The following PLCD4 variants were observed in gnomAD, a reference collection of about 807,000 sequenced individuals.
PLCD4 encodes 1-phosphatidylinositol 4,5-bisphosphate phosphodiesterase delta-4.
In PLCD4, 63 loss-of-function variants were observed where a neutral mutation model predicts 90.2. The ratio of observed to expected loss-of-function variants is 0.70; its 90% CI spans 0.57 to 0.86. The LOEUF (loss-of-function observed/expected upper bound fraction) is 0.86, where lower values mean the gene tolerates loss of function less well. PLCD4 is among the 40% of genes least tolerant of loss of function. PLCD4 has a pLI of 0.00. For synonymous variants in PLCD4, 294 were observed against 356.5 expected, an observed-to-expected ratio of 0.82 and a Z score of 1.97; for missense variants, 830 against 956.3, an observed-to-expected ratio of 0.87 and a Z score of 1.74.
In PLCD4 at chr2:218,636,251, C is replaced by A; in HGVS notation, c.2041C>A (p.Pro681Thr). The A allele has an allele frequency of 6.2e-7, 1 of 1,613,902 alleles. No homozygotes were observed. Among genetic ancestry groups the A allele is most frequent in the Non-Finnish European group, 8.5e-7 (1 of 1,179,796 alleles). ...TNYVENNGFN[P>T]YWGQTLCFRV... The stretch of plus-strand genomic sequence containing the variant: ...TCTGTCCACCAACTCAGGTTTTAAT[C>A]CATACTGGGGGCAGACACTATGTTT... Residue 681 changes from proline to threonine, a missense_variant, in exon 15 of 16, where the codon CCA becomes ACA. Physicochemically the swap from Pro to Thr is conservative, Grantham distance 38. Transcript: ENST00000450993.
intron 4 of PLCD4, 30 bp from the exon 5 acceptor site, chr2:218,621,440 A>G: frequency 1.2e-6 from 2 of 1,613,282 alleles, no homozygotes; most frequent in Admixed American, 1.7e-5. Context: ...AAACAGATAC[A>G]TTAGTGCTTT....
At chr2:218,618,938 C>T (rs143855507) in intron 4 of PLCD4, 131 bp downstream of exon 4, 22 of 788,368 alleles carry the variant, frequency 2.8e-5, no homozygotes, top group Non-Finnish European at 4.5e-5. Flanking sequence ...ATGGTATGGG[C>T]AGGGACAGCT....
chr2:218,636,841 C>T lies in PLCD4; in HGVS notation c.*264C>T. 1 of 542,190 alleles carries T rather than the reference C, an allele frequency of 1.8e-6. No homozygotes were observed. The highest frequency in any genetic ancestry group is 3.5e-6 in the Non-Finnish European group (1 of 283,606). 33.6% of individuals were successfully genotyped at this position (542,190 alleles called of 1,614,324 possible). On this transcript the variant is annotated 3_prime_UTR_variant, in exon 16 of 16. Coordinates refer to ENST00000450993, the MANE Select transcript of PLCD4 (RefSeq NM_032726.4). ...TTTGTGTACTCTATACTGGAGTTCC[C>T]TTCTTCCTCTTGCTGTAGGCTCAAT...
At chr2:218,625,706 G>A (rs1169933643) in intron 6 of PLCD4, among the ~76,000 whole-genome samples, 1 of 152,216 alleles carries the variant, frequency 6.6e-6, no homozygotes, top group African/African-American at 2.4e-5. Flanking sequence ...GGCCAAGGCA[G>A]GCGGATCACT....
chr2:218,631,200 T>C (rs1422284712), intron 9 of PLCD4, among the ~76,000 whole-genome samples: 1 of 152,040 alleles, frequency 6.6e-6, no homozygotes, highest in African/African-American at 2.4e-5. Context: ...GTTTCGCTCT[T>C]GTCGCCCAGG....
rs1490606290 is a variant in PLCD4 at position 218,632,207 on chromosome 2, G to A, written c.1344G>A (p.Glu448=). 1.6e-5 allele frequency: 26 copies of A among 1,611,248 alleles called. No individual in the cohort carries two copies. Among genetic ancestry groups the A allele is most frequent in the African/African-American group, 2.7e-5 (2 of 74,912 alleles). The change falls in exon 10 of 16, where the codon GAG becomes GAA. Residue 448 remains glutamate (E), a synonymous_variant. Coordinates refer to ENST00000450993, the MANE Select transcript of PLCD4 (RefSeq NM_032726.4). The stretch of plus-strand genomic sequence containing the variant: ...AGGAAGACCTGGAATATGAGGAAGA[G>A]GAAGCAGAACCTGAGTTGGAAGAGT... ...TLEEDLEYEE[E]EAEPELEESE... is the part of the protein sequence containing the mutation.
intron 1 of PLCD4, among the ~76,000 whole-genome samples, chr2:218,613,161 C>A (rs989941502): frequency 6.6e-6 from 1 of 151,908 alleles, no homozygotes; most frequent in Non-Finnish European, 1.5e-5. Flanking sequence ...GAGGTCGAGG[C>A]GGGTGGATCA....
chr2:218,610,149 T>C (rs990740944), intron 1 of PLCD4, among the ~76,000 whole-genome samples: 2 of 151,784 alleles, frequency 1.3e-5, no homozygotes, highest in African/African-American at 4.8e-5. Flanking sequence ...AAATTTTTTT[T>C]ATAGTGAACT....
rs777377907 is a variant in PLCD4, at chr2:218,632,142, C to T, written c.1279C>T (p.Arg427Trp). The T allele has an allele frequency of 1.7e-5, 28 of 1,605,570 alleles. No individual in the cohort carries two copies. Among genetic ancestry groups the T allele is most frequent in the South Asian group, 3.4e-5 (3 of 88,962 alleles). Residue 427 changes from arginine (R) to tryptophan (W), a missense_variant, in exon 10 of 16, where the codon CGG (arginine) becomes TGG (tryptophan). Coordinates refer to ENST00000450993, the MANE Select transcript of PLCD4 (RefSeq NM_032726.4). The part of the protein sequence containing the change: ...PTQLPSPEEL[R>W]RKILVKGKKL... ...CTTCATTTTTGTCCCCTAGGAGCTT[C>T]GGAGGAAGATCCTGGTGAAGGGGAA... is the stretch of plus-strand genomic sequence containing the variant.
At chr2:218,615,039 T>C (rs1305777465) in intron 1 of PLCD4, among the ~76,000 whole-genome samples, 1 of 151,868 alleles carries the variant, frequency 6.6e-6, no homozygotes, top group Non-Finnish European at 1.5e-5. Flanking sequence ...CCATCCTGGC[T>C]AACACAGTGA....
Position 218,632,120 on chromosome 2 carries a change from C to T in PLCD4, c.1273-16C>T. 1 of 1,590,448 alleles carries T rather than the reference C, an allele frequency of 6.3e-7. No individual in the cohort carries two copies. The highest frequency in any genetic ancestry group is 8.6e-7 in the Non-Finnish European group (1 of 1,168,888). ...GAGCAGACAGGTAGACAGGCCCCTT[C>T]ATTTTTGTCCCCTAGGAGCTTCGGA... On this transcript the variant is annotated splice_polypyrimidine_tract_variant and intron_variant, in intron 9 of 15. Transcript: ENST00000450993.
At chr2:218,627,535 C>T (rs995040539) in intron 6 of PLCD4, among the ~76,000 whole-genome samples, 6 of 150,594 alleles carry the variant, frequency 4.0e-5, no homozygotes, top group East Asian at 2.0e-4. Flanking sequence ...TTTTTTGAGA[C>T]GGAGTCTCAC....
At position 218,633,507 on chromosome 2, in the gene PLCD4, G is replaced by A. The variant is rs767179625; in HGVS notation, c.1450-98G>A. On this transcript the variant is annotated intron_variant, in intron 10 of 15. Coordinates refer to ENST00000450993, the MANE Select transcript of PLCD4 (RefSeq NM_032726.4). ...GTGAGGCAGGAGGGAGAATACAGTG[G>A]GGAGGCAGTGGGCAGAGGTTTAGGT... is the stretch of plus-strand genomic sequence containing the variant. The A allele has an allele frequency of 3.6e-6, 5 of 1,376,818 alleles. No individual in the cohort carries two copies. The Admixed American group carries it at 8.7e-5, about 24-fold the overall frequency. 85.3% of individuals were successfully genotyped at this position (1,376,818 alleles called of 1,614,324 possible). A position where few individuals can be genotyped will look rare whatever the true frequency, so the allele number is the denominator to read the frequency against.
At chr2:218,631,779 G>C (rs533686612) in intron 9 of PLCD4, among the ~76,000 whole-genome samples, 1 of 148,734 alleles carries the variant, frequency 6.7e-6, no homozygotes, top group Non-Finnish European at 1.5e-5. Flanking sequence ...GCGACAGTGC[G>C]AGACTCCGTC....
At chr2:218,632,689 C>T (rs776985429) in intron 10 of PLCD4, among the ~76,000 whole-genome samples, 13 of 151,850 alleles carry the variant, frequency 8.6e-5, no homozygotes, top group Non-Finnish European at 1.8e-4. Context: ...CAGTGATGAG[C>T]GGGTGTGTGT....
intron 4 of PLCD4, among the ~76,000 whole-genome samples, chr2:218,620,852 C>G (rs991029344): frequency 6.8e-6 from 1 of 146,602 alleles, no homozygotes; most frequent in Non-Finnish European, 1.5e-5. Flanking sequence ...CAAGATTTCC[C>G]TAGTGCACTC....
At chr2:218,633,979 C>T in intron 11 of PLCD4, 126 bp from the exon 12 acceptor site, 6 of 1,346,776 alleles carry the variant, frequency 4.5e-6, no homozygotes, top group Non-Finnish European at 6.1e-6. Flanking sequence ...TAGAGAGGCA[C>T]AGTGAAACTT....
intron 3 of PLCD4, among the ~76,000 whole-genome samples, chr2:218,616,578 G>A (rs907662442): frequency 4.6e-5 from 7 of 151,858 alleles, no homozygotes; most frequent in Non-Finnish European, 7.4e-5. Flanking sequence ...TTAGCTGGGT[G>A]TGGTGCTGTA....
At position 218,636,267 on chromosome 2, in the gene PLCD4, C is replaced by A; in HGVS notation, c.2057C>A (p.Thr686Lys). Residue 686 changes from threonine to lysine, a missense_variant, in exon 15 of 16, where the codon ACA becomes AAA. By Grantham distance (78) the Thr-to-Lys change is moderately conservative. Coordinates refer to ENST00000450993, the MANE Select transcript of PLCD4 (RefSeq NM_032726.4). ...GGTTTTAATCCATACTGGGGGCAGA[C>A]ACTATGTTTCCGGGTGCTGGTGCCT... Reference protein sequence around the residue: ...NNGFNPYWGQTLCFRVLVPEL... With the variant: ...NNGFNPYWGQKLCFRVLVPEL... 1.9e-6 allele frequency: 3 copies of A among 1,614,048 alleles called. No individual in the cohort carries two copies. In the Admixed American group the frequency reaches 5.0e-5, roughly 27 times the overall value.
Sources: allele counts gnomAD v4.1 joint callset (sites outside exome capture counted in the v4.1 genomes callset), GRCh38; gene constraint gnomAD v4.1.1; transcripts MANE v1.5; gene names NCBI Gene and HGNC (gene_info 2026-07-23, HGNC 2026-07-21).